The following WDFY4 variants were observed in gnomAD, a reference collection of about 807,000 sequenced individuals.
WDFY4 encodes the protein WDFY family member 4.
A neutral mutation model predicts 351.9 loss-of-function variants in WDFY4; 169 were observed. The ratio of observed to expected loss-of-function variants is 0.48; its 90% CI spans 0.42 to 0.55. The LOEUF is 0.55. WDFY4 is among the 20% of genes least tolerant of loss of function. The pLI is 0.00. For synonymous variants in WDFY4, 1,622 were observed against 1,574.6 expected, an observed-to-expected ratio of 1.03 and a Z score of -0.71; for missense variants, 3,803 against 3,935.6, an observed-to-expected ratio of 0.97 and a Z score of 0.90.
intron 45 of WDFY4, 66 bp downstream of exon 45, chr10:48,897,640 A>C (rs1443509745): frequency 6.6e-7 from 1 of 1,520,690 alleles, no homozygotes; most frequent in Admixed American, 2.0e-5. Context: ...CAGGTGGTCC[A>C]GGAGCCATCC....
At chr10:48,836,800 G>A (rs1218049752) in intron 39 of WDFY4, among the ~76,000 whole-genome samples, 3 of 152,134 alleles carry the variant, frequency 2.0e-5, no homozygotes, top group Non-Finnish European at 2.9e-5. Context: ...GGACTCCCTT[G>A]AGGCCACCAA....
intron 12 of WDFY4, among the ~76,000 whole-genome samples, chr10:48,755,017 T>C (rs955480000): frequency 1.3e-5 from 2 of 152,170 alleles, no homozygotes; most frequent in African/African-American, 4.8e-5. Flanking sequence ...GTCACACGAC[T>C]ACCACCACAA....
chr10:48,749,926 C>A (rs974442932), intron 12 of WDFY4, among the ~76,000 whole-genome samples: 1 of 152,152 alleles, frequency 6.6e-6, no homozygotes, highest in Non-Finnish European at 1.5e-5. Context: ...AAAGGAGCAA[C>A]CCCAGTCACC....
At chr10:48,801,554 G>T (rs1385847026) in intron 24 of WDFY4, 1 of 455,666 alleles carries the variant, frequency 2.2e-6, no homozygotes, top group Admixed American at 2.4e-5. Flanking sequence ...CACTAGAGCT[G>T]CCTTCATCAA....
At chr10:48,787,805 TCC>T (rs2066456631) in intron 20 of WDFY4, among the ~76,000 whole-genome samples, 7 of 92,034 alleles carry the variant, frequency 7.6e-5, no homozygotes, top group East Asian at 8.2e-4. Flanking sequence ...CTCCTCCTCC[TCC>T]TCTTCTTCTT....
intron 43 of WDFY4, chr10:48,878,730 ACTGT>A (rs2070128391): frequency 1.3e-5 from 2 of 152,760 alleles, no homozygotes; most frequent in Admixed American, 1.3e-4. Context: ...CTAGCTTGTT[ACTGT>A]CTGTGTCGCC....
chr10:48,807,143 A>G (rs1056158106), intron 27 of WDFY4, among the ~76,000 whole-genome samples: 11 of 152,230 alleles, frequency 7.2e-5, no homozygotes, highest in African/African-American at 2.7e-4. Flanking sequence ...TTGCCTCATC[A>G]GTCCTATTTC....
At chr10:48,828,003 G>A (rs1459986066) in intron 36 of WDFY4, among the ~76,000 whole-genome samples, 1 of 151,972 alleles carries the variant, frequency 6.6e-6, no homozygotes, top group African/African-American at 2.4e-5. Flanking sequence ...ACCCTCCTCA[G>A]TTCCCTCTGT....
rs999569403 is a variant in WDFY4 at position 48,731,044 on chromosome 10, A to G, written c.1130-66A>G. 4.9e-6 allele frequency: 7 copies of G among 1,433,836 alleles called. No individual in the cohort carries two copies. In the African/African-American group the frequency reaches 1.0e-4, roughly 21 times the overall value. The allele number at this position is 1,433,836 out of a possible 1,614,324, so 88.8% of individuals were successfully genotyped here. A position where few individuals can be genotyped will look rare whatever the true frequency, so the allele number is the denominator to read the frequency against. ...AAATGGCATGCCCTCTTAGTAATGA[A>G]AACATCTATTTGTAGACACAGGCAG... On this transcript the variant is annotated intron_variant, in intron 8 of 61. Transcript: ENST00000325239.
intron 57 of WDFY4, among the ~76,000 whole-genome samples, chr10:48,973,217 A>G (rs535414293): frequency 3.8e-4 from 58 of 152,118 alleles, no homozygotes; most frequent in Non-Finnish European, 7.9e-4. Flanking sequence ...TGGCATTGCT[A>G]TTTCCCCTGC....
At chr10:48,951,040 T>C (rs1486207031) in intron 51 of WDFY4, among the ~76,000 whole-genome samples, 3 of 152,236 alleles carry the variant, frequency 2.0e-5, no homozygotes, top group African/African-American at 7.2e-5. Flanking sequence ...GTGCAGAGAC[T>C]GTGGACAGCA....
chr10:48,915,335 C>G (rs1838416221), intron 47 of WDFY4, among the ~76,000 whole-genome samples: 1 of 152,056 alleles, frequency 6.6e-6, no homozygotes, highest in Non-Finnish European at 1.5e-5. Context: ...GGTCTGCAGC[C>G]AGGAAGAGGA....
intron 2 of WDFY4, among the ~76,000 whole-genome samples, chr10:48,714,597 G>T (rs914598543): frequency 3.9e-5 from 6 of 152,202 alleles, no homozygotes; most frequent in African/African-American, 1.2e-4. Flanking sequence ...TCATGGGAAG[G>T]TGCTGGTTTT....
chr10:48,826,656 T>C lies in WDFY4; in HGVS notation c.5983-15T>C. Reference sequence around the variant, plus strand: ...TCACAAGTTTGTGTATGTGTATGTTTTTTTAATGACACAGGTCATTGAGAC... The same window carrying C: ...TCACAAGTTTGTGTATGTGTATGTTCTTTTAATGACACAGGTCATTGAGAC... On this transcript the variant is annotated splice_polypyrimidine_tract_variant and intron_variant, in intron 35 of 61. Transcript: ENST00000325239. 1 of 1,537,398 alleles carries C rather than the reference T, an allele frequency of 6.5e-7. No homozygotes were observed. The highest frequency in any genetic ancestry group is 1.7e-4 in the Middle Eastern group (1 of 5,962).
intron 47 of WDFY4, among the ~76,000 whole-genome samples, chr10:48,902,346 C>G (rs1011667961): frequency 3.3e-5 from 5 of 152,172 alleles, no homozygotes; most frequent in Admixed American, 2.6e-4. Context: ...TGCAGTCCCC[C>G]CCGCCGCCGC....
chr10:48,901,101 C>T (rs900998931), intron 46 of WDFY4, among the ~76,000 whole-genome samples: 2 of 152,326 alleles, frequency 1.3e-5, no homozygotes, highest in East Asian at 3.9e-4. Flanking sequence ...ACCCAGGGCC[C>T]ACTACTGCAT....
chr10:48,746,098 C>A, intron 12 of WDFY4: 1 of 157,072 alleles, frequency 6.4e-6, no homozygotes. Context: ...GAGGTAGCCT[C>A]GGTCTCCAGC....
intron 13 of WDFY4, among the ~76,000 whole-genome samples, chr10:48,760,724 C>T (rs570704004): frequency 1.2e-4 from 18 of 152,174 alleles, no homozygotes; most frequent in Non-Finnish European, 1.9e-4. Flanking sequence ...AATAATTGAA[C>T]CATAGTAAGG....
chr10:48,812,817 C>T (rs370083847), intron 30 of WDFY4, among the ~76,000 whole-genome samples: 1 of 152,190 alleles, frequency 6.6e-6, no homozygotes, highest in African/African-American at 2.4e-5. Flanking sequence ...CTGCAATTCA[C>T]CCGCCCTCAG....
Sources: allele counts gnomAD v4.1 joint callset (sites outside exome capture counted in the v4.1 genomes callset), GRCh38; gene constraint gnomAD v4.1.1; transcripts MANE v1.5; gene names NCBI Gene and HGNC (gene_info 2026-07-23, HGNC 2026-07-21).